The following GRIK4 variants were observed in gnomAD, a reference collection of about 807,000 sequenced individuals.
GRIK4 encodes glutamate ionotropic receptor kainate type subunit 4.
GRIK4 carries 40 observed loss-of-function variants against 104.9 expected under a neutral mutation model. The observed-to-expected ratio is 0.38, with a 90% CI of 0.30 to 0.50. GRIK4 has a LOEUF of 0.50. Ranked by LOEUF, GRIK4 falls within the 20% of genes least tolerant of loss-of-function variation. The pLI, the probability that GRIK4 is intolerant of heterozygous loss-of-function variation, is 0.93. For missense variants in GRIK4, 1,047 were observed against 1,308.1 expected (o/e 0.80, Z 3.08); for synonymous variants, 485 against 524.9 (o/e 0.92, Z 1.04).
chr11:120,572,639 A>G (rs1461686713), intron 1 of GRIK4, among the ~76,000 whole-genome samples: 1 of 152,142 alleles, frequency 6.6e-6, no homozygotes, highest in East Asian at 1.9e-4. Context: ...GAAGTTTTCC[A>G]GGTAGAGTGG....
At chr11:120,770,487 A>G (rs1432312818) in intron 3 of GRIK4, among the ~76,000 whole-genome samples, 1 of 152,216 alleles carries the variant, frequency 6.6e-6, no homozygotes, top group East Asian at 1.9e-4. Flanking sequence ...TCCATCCTTT[A>G]TAAACAAAGA....
chr11:120,771,683 C>T (rs1457434370), intron 3 of GRIK4, among the ~76,000 whole-genome samples: 1 of 152,166 alleles, frequency 6.6e-6, no homozygotes, highest in Non-Finnish European at 1.5e-5. Flanking sequence ...AATCCAGGAC[C>T]TATTATACAA....
In GRIK4 at chr11:120,513,027, G is replaced by C. The variant is rs951271957; in HGVS notation, c.-159+1140G>C. On this transcript the variant is annotated intron_variant, in intron 1 of 20. Transcript: ENST00000527524. The surrounding 1 kb of genome is among the most constrained non-coding windows in gnomAD (Gnocchi z 4.5). ...CTGCCATCTTCCTCTTGGTGCTGTT[G>C]TCTGGTGATGCCACGCGGTGCCACC... 9.9e-5 allele frequency among the ~76,000 whole-genome samples: 15 copies of C among 152,128 alleles called. No individual in the cohort carries two copies. Among genetic ancestry groups the C allele is most frequent in the Non-Finnish European group, 4.4e-5 (3 of 68,008 alleles).
intron 14 of GRIK4, among the ~76,000 whole-genome samples, chr11:120,951,940 G>A (rs1277125643): frequency 6.6e-6 from 1 of 152,240 alleles, no homozygotes; most frequent in Non-Finnish European, 1.5e-5. Context: ...GCATCCATAA[G>A]CCACTGGTGT....
chr11:120,684,709 A>T (rs1286334222), intron 3 of GRIK4, among the ~76,000 whole-genome samples: 2 of 145,834 alleles, frequency 1.4e-5, no homozygotes, highest in African/African-American at 5.1e-5. Context: ...AGGAGTAAAT[A>T]AAGATGCTTT....
At chr11:120,749,271 A>G (rs1951501611) in intron 3 of GRIK4, among the ~76,000 whole-genome samples, 1 of 152,058 alleles carries the variant, frequency 6.6e-6, no homozygotes, top group Admixed American at 6.5e-5. Flanking sequence ...CCAGGACTCC[A>G]AAGTAGATGA....
chr11:120,788,121 G>A (rs1302667946), intron 3 of GRIK4, among the ~76,000 whole-genome samples: 2 of 151,354 alleles, frequency 1.3e-5, no homozygotes, highest in African/African-American at 2.4e-5. Context: ...TGCCCACCTC[G>A]GCCTCCCAAA....
Position 120,986,315 on chromosome 11 carries a change from G to A in GRIK4, c.*55G>A, listed in dbSNP as rs1313802700. 2.1e-6 allele frequency: 3 copies of A among 1,424,144 alleles called. No individual in the cohort carries two copies. The highest frequency in any genetic ancestry group is 2.7e-6 in the Non-Finnish European group (3 of 1,095,480). 88.2% of individuals were successfully genotyped at this position (1,424,144 alleles called of 1,614,324 possible). Reference sequence around the variant, plus strand: ...GGGCGGGGCGGGAGGGGAGGGGCGGGGCGGGCGCTGCTGTCAGCCGCCAGC... The same window carrying A: ...GGGCGGGGCGGGAGGGGAGGGGCGGAGCGGGCGCTGCTGTCAGCCGCCAGC... On this transcript the variant is annotated 3_prime_UTR_variant, in exon 21 of 21. Transcript: ENST00000527524.
intron 13 of GRIK4, among the ~76,000 whole-genome samples, chr11:120,906,640 C>T (rs959335362): frequency 2.6e-5 from 4 of 152,194 alleles, no homozygotes; most frequent in Non-Finnish European, 5.9e-5. Flanking sequence ...AAATCCTACT[C>T]TTCAATGATA....
intron 3 of GRIK4, among the ~76,000 whole-genome samples, chr11:120,755,389 A>G (rs560777156): frequency 2.6e-5 from 4 of 152,172 alleles, no homozygotes; most frequent in Non-Finnish European, 5.9e-5. Context: ...GAGGATTGCT[A>G]GAGCCCAGGA....
chr11:120,726,010 A>G (rs547688260), intron 3 of GRIK4, among the ~76,000 whole-genome samples: 1 of 152,348 alleles, frequency 6.6e-6, no homozygotes, highest in South Asian at 2.1e-4. Context: ...TAGGGTATTC[A>G]GGAAGGCTTC....
chr11:120,668,678 G>A (rs544507144), intron 3 of GRIK4, among the ~76,000 whole-genome samples: 2 of 152,292 alleles, frequency 1.3e-5, no homozygotes, highest in South Asian at 4.2e-4. Context: ...GATGTGTTGT[G>A]GGGAAACACT....
intron 8 of GRIK4, among the ~76,000 whole-genome samples, chr11:120,843,404 G>A (rs1953768974): frequency 6.6e-6 from 1 of 152,276 alleles, no homozygotes; most frequent in Admixed American, 6.5e-5. Flanking sequence ...ACAGGGAGAA[G>A]GAGTACATCA....
chr11:120,880,938 C>T (rs1372052966), intron 11 of GRIK4, among the ~76,000 whole-genome samples: 1 of 152,202 alleles, frequency 6.6e-6, no homozygotes, highest in African/African-American at 2.4e-5. Flanking sequence ...ATGGTTCCCT[C>T]AAGAGCTCAT....
chr11:120,702,968 G>A (rs1007944441), intron 3 of GRIK4, among the ~76,000 whole-genome samples: 7 of 152,140 alleles, frequency 4.6e-5, no homozygotes, highest in African/African-American at 1.4e-4. Flanking sequence ...AGTATTTGTA[G>A]TGCTTTGCCC....
chr11:120,591,798 C>T (rs1948737069), intron 1 of GRIK4, among the ~76,000 whole-genome samples: 1 of 152,208 alleles, frequency 6.6e-6, no homozygotes, highest in South Asian at 2.1e-4. Context: ...AAATAAGCTG[C>T]ACAATGCCTA....
rs192888764 is a variant in GRIK4, at chr11:120,518,650, G to A, written c.-159+6763G>A. Among the ~76,000 whole-genome samples the A allele has an allele frequency of 4.5e-3, 692 of 152,206 alleles. 3 individuals are homozygous for A. Among genetic ancestry groups the A allele is most frequent in the Non-Finnish European group, 7.0e-3 (474 of 68,006 alleles). ...AATTTTTTAAATATTTTGAGATGGA[G>A]TCTGGCTCTGTTGGCAGAGTGCAAT... On this transcript the variant is annotated intron_variant, in intron 1 of 20. Transcript: ENST00000527524.
At chr11:120,567,570 C>T (rs996296039) in intron 1 of GRIK4, among the ~76,000 whole-genome samples, 1 of 152,216 alleles carries the variant, frequency 6.6e-6, no homozygotes, top group Admixed American at 6.5e-5. Context: ...GGGTTTGGTA[C>T]AGACACATGG....
At chr11:120,761,630 G>T (rs1406830138) in intron 3 of GRIK4, among the ~76,000 whole-genome samples, 1 of 152,160 alleles carries the variant, frequency 6.6e-6, no homozygotes, top group Non-Finnish European at 1.5e-5. Flanking sequence ...TTTGTATAAG[G>T]TGTAAGGAAG....
Sources: allele counts gnomAD v4.1 joint callset (sites outside exome capture counted in the v4.1 genomes callset), GRCh38; gene constraint gnomAD v4.1.1; non-coding constraint Gnocchi (gnomAD v3.1); transcripts MANE v1.5; gene names NCBI Gene and HGNC (gene_info 2026-07-23, HGNC 2026-07-21).